The following RALGPS1 variants were observed in gnomAD, a reference collection of about 807,000 sequenced individuals.
The protein encoded by RALGPS1 is Ral GEF with PH domain and SH3 binding motif 1.
Under a neutral mutation model 78.8 loss-of-function variants are expected in RALGPS1, and 19 were observed. The observed-to-expected ratio is 0.24, with a 90% confidence interval of 0.17 to 0.35. RALGPS1 has a LOEUF of 0.35. Among genes scored for constraint, RALGPS1 ranks in the 10% least tolerant of loss-of-function variants. The pLI, the probability that RALGPS1 is intolerant of heterozygous loss-of-function variation, is 1.00. For missense variants in RALGPS1, 454 were observed against 688.3 expected (o/e 0.66, Z 3.81); for synonymous variants, 228 against 256.3 (o/e 0.89, Z 1.06).
At chr9:127,120,829 A>G (rs958482127) in intron 8 of RALGPS1, among the ~76,000 whole-genome samples, 4 of 146,836 alleles carry the variant, frequency 2.7e-5, no homozygotes, top group Non-Finnish European at 6.0e-5. Context: ...CTCCATCTCA[A>G]AAAAAAAAAA....
intron 11 of RALGPS1, among the ~76,000 whole-genome samples, chr9:127,184,987 A>G (rs1367147157): frequency 6.6e-6 from 1 of 152,196 alleles, no homozygotes; most frequent in East Asian, 1.9e-4. Flanking sequence ...GAGGCTTCCC[A>G]TCCCAAACAC....
At chr9:126,944,064 G>A (rs1035776412) in intron 1 of RALGPS1, among the ~76,000 whole-genome samples, 3 of 152,238 alleles carry the variant, frequency 2.0e-5, no homozygotes, top group Non-Finnish European at 2.9e-5. Flanking sequence ...CGCAGCCCAT[G>A]GGGGCCTCCC....
At chr9:126,921,090 G>A (rs1337652931) in intron 1 of RALGPS1, among the ~76,000 whole-genome samples, 1 of 152,236 alleles carries the variant, frequency 6.6e-6, no homozygotes, top group Non-Finnish European at 1.5e-5. Flanking sequence ...AATGCTTACA[G>A]AGTGCTCACT....
At chr9:127,110,308 T>C (rs529244312) in intron 8 of RALGPS1, among the ~76,000 whole-genome samples, 51 of 152,310 alleles carry the variant, frequency 3.3e-4, no homozygotes, top group African/African-American at 1.2e-3. Context: ...TGGGATACAG[T>C]TGGGCTCCCT....
chr9:126,938,935 T>G (rs1181157497), intron 1 of RALGPS1, among the ~76,000 whole-genome samples: 1 of 152,100 alleles, frequency 6.6e-6, no homozygotes, highest in Non-Finnish European at 1.5e-5. Flanking sequence ...TAGCCCCCGT[T>G]TTTGCTGGTG....
intron 11 of RALGPS1, chr9:127,178,101 C>T (rs568490732): frequency 5.5e-6 from 6 of 1,097,382 alleles, no homozygotes; most frequent in Middle Eastern, 2.4e-4. Context: ...TGTTACCAAT[C>T]CCAGGGATGG....
Position 127,183,884 on chromosome 9 carries a change from C to G in RALGPS1, c.910+9102C>G. Reference sequence around the variant, plus strand: ...TTCTTGAGTCTCCCATCTCAGCAGCCTGTCACATCAAGGTCAAGCAGAAGA... The same window carrying G: ...TTCTTGAGTCTCCCATCTCAGCAGCGTGTCACATCAAGGTCAAGCAGAAGA... On this transcript the variant is annotated intron_variant, in intron 11 of 18. Coordinates refer to ENST00000259351, the MANE Select transcript of RALGPS1 (RefSeq NM_014636.3). This position sits in a 1 kb window ranked among gnomAD's most constrained non-coding sequence, Gnocchi z 4.0. The G allele has an allele frequency of 6.5e-7, 1 of 1,549,698 alleles. No homozygotes were observed. Among genetic ancestry groups the G allele is most frequent in the African/African-American group, 1.4e-5 (1 of 73,048 alleles).
At chr9:127,102,118 G>T (rs1388267416) in intron 8 of RALGPS1, among the ~76,000 whole-genome samples, 2 of 152,100 alleles carry the variant, frequency 1.3e-5, no homozygotes, top group Non-Finnish European at 2.9e-5. Flanking sequence ...TCTGCTGCCT[G>T]CATCCTTCAC....
intron 8 of RALGPS1, among the ~76,000 whole-genome samples, chr9:127,113,002 G>A (rs2055003693): frequency 6.6e-6 from 1 of 152,202 alleles, no homozygotes; most frequent in East Asian, 1.9e-4. Flanking sequence ...AGGTCATGTT[G>A]CGAGCAGTGG....
chr9:127,009,515 T>C (rs2044157957), intron 4 of RALGPS1, among the ~76,000 whole-genome samples: 1 of 152,246 alleles, frequency 6.6e-6, no homozygotes, highest in Non-Finnish European at 1.5e-5. Flanking sequence ...CTGATTTCAT[T>C]ATTAATGGTC....
chr9:126,990,053 C>T (rs75624947), intron 4 of RALGPS1: 20 of 1,539,902 alleles, frequency 1.3e-5, no homozygotes, highest in African/African-American at 8.2e-5. Context: ...AAGAAGCGGG[C>T]GTTCCAGAAA....
intron 1 of RALGPS1, among the ~76,000 whole-genome samples, chr9:126,931,324 C>A (rs983606593): frequency 4.6e-5 from 7 of 152,094 alleles, no homozygotes; most frequent in Non-Finnish European, 8.8e-5. Flanking sequence ...TAGCGGGCAG[C>A]CTCATAGCAA....
chr9:127,111,387 G>A (rs537469482), intron 8 of RALGPS1, among the ~76,000 whole-genome samples: 55 of 152,336 alleles, frequency 3.6e-4, no homozygotes, highest in African/African-American at 1.3e-3. Flanking sequence ...ATGGTAGGGA[G>A]GTGTTTGTGT....
chr9:127,018,309 TAAAAAA>T lies in RALGPS1; in HGVS notation c.217-16113_217-16108del, dbSNP rs61463787. 3.4e-4 allele frequency among the ~76,000 whole-genome samples: 49 copies of T among 145,524 alleles called. No homozygotes were observed. In the East Asian group the frequency reaches 9.2e-3, roughly 27 times the overall value. ...GCCTGAGGCTATTTTATAGTTAACT[TAAAAAA>T]AAAAAAAACAGTAGAAGGAGCACAT... On this transcript the variant is annotated intron_variant, in intron 4 of 18. Coordinates refer to ENST00000259351, the MANE Select transcript of RALGPS1 (RefSeq NM_014636.3).
intron 5 of RALGPS1, among the ~76,000 whole-genome samples, chr9:127,038,985 G>A (rs1418777340): frequency 1.3e-5 from 2 of 152,222 alleles, no homozygotes; most frequent in African/African-American, 4.8e-5. Context: ...CACAAAGGAG[G>A]AGCAGTTTTG....
chr9:127,023,399 C>T (rs2045650487), intron 4 of RALGPS1, among the ~76,000 whole-genome samples: 1 of 152,172 alleles, frequency 6.6e-6, no homozygotes, highest in African/African-American at 2.4e-5. Context: ...TCTTTCTTTC[C>T]CACTTGCCCT....
Position 127,212,847 on chromosome 9 carries a change from C to T in RALGPS1, c.1447-97C>T, listed in dbSNP as rs2062355152. ...GCGGAGGATGCAGGTGGGAAGGCGG[C>T]AGGGGAGGGAGGAAGCCTTGCCTGG... On this transcript the variant is annotated intron_variant, in intron 16 of 18. Transcript: ENST00000259351. The surrounding 1 kb of genome is among the most constrained non-coding windows in gnomAD (Gnocchi z 6.0). The T allele has an allele frequency of 6.3e-7, 1 of 1,577,848 alleles. No individual in the cohort carries two copies. Among genetic ancestry groups the T allele is most frequent in the Non-Finnish European group, 8.7e-7 (1 of 1,156,044 alleles).
intron 8 of RALGPS1, among the ~76,000 whole-genome samples, chr9:127,143,851 C>A (rs1024128335): frequency 5.3e-5 from 8 of 152,222 alleles, no homozygotes; most frequent in Middle Eastern, 3.2e-3. Context: ...ACAGAGGTCT[C>A]CATATAGGGG....
intron 8 of RALGPS1, among the ~76,000 whole-genome samples, chr9:127,090,102 A>G (rs1426519019): frequency 1.3e-5 from 2 of 152,174 alleles, no homozygotes; most frequent in Non-Finnish European, 2.9e-5. Context: ...CTGGGCCATG[A>G]TTCCAGGCCA....
Sources: allele counts gnomAD v4.1 joint callset (sites outside exome capture counted in the v4.1 genomes callset), GRCh38; gene constraint gnomAD v4.1.1; non-coding constraint Gnocchi (gnomAD v3.1); transcripts MANE v1.5; gene names NCBI Gene and HGNC (gene_info 2026-07-23, HGNC 2026-07-21).